The following TRHDE variants were observed in gnomAD, a reference collection of about 807,000 sequenced individuals.
The protein encoded by TRHDE is thyrotropin releasing hormone degrading enzyme.
In TRHDE, 72 loss-of-function variants were observed where a neutral mutation model predicts 125.7. That is an observed-to-expected ratio of 0.57 (90% CI 0.47 to 0.70). TRHDE has a LOEUF of 0.70. TRHDE is among the 30% of genes least tolerant of loss of function. The pLI is 0.00. For missense variants in TRHDE, 1,110 were observed against 1,327.1 expected (o/e 0.84, Z 2.54); for synonymous variants, 509 against 509.1 (o/e 1.00, Z 0.00).
intron 2 of TRHDE, among the ~76,000 whole-genome samples, chr12:72,151,017 A>T (rs543234813): frequency 2.6e-5 from 4 of 152,288 alleles, no homozygotes; most frequent in African/African-American, 9.6e-5. Flanking sequence ...TCCCACCAAC[A>T]GTGTAAAAGT....
chr12:72,182,434 A>G (rs1208226493), intron 2 of TRHDE, among the ~76,000 whole-genome samples: 1 of 152,232 alleles, frequency 6.6e-6, no homozygotes, highest in Non-Finnish European at 1.5e-5. Flanking sequence ...CTTCAGTGGT[A>G]CCAAAATATC....
At chr12:72,346,225 G>T (rs1275378717) in intron 2 of TRHDE, among the ~76,000 whole-genome samples, 1 of 152,026 alleles carries the variant, frequency 6.6e-6, no homozygotes, top group Non-Finnish European at 1.5e-5. Flanking sequence ...TGGAGCACAG[G>T]ATTCTGAGTT....
At chr12:72,120,486 T>G (rs1027368552) in intron 2 of TRHDE, among the ~76,000 whole-genome samples, 6 of 152,156 alleles carry the variant, frequency 3.9e-5, no homozygotes, top group African/African-American at 1.4e-4. Context: ...AATTTCTTGC[T>G]TTCTATTTTT....
intron 2 of TRHDE, among the ~76,000 whole-genome samples, chr12:72,298,358 G>C (rs894041330): frequency 3.9e-5 from 6 of 152,168 alleles, no homozygotes; most frequent in Non-Finnish European, 7.4e-5. Flanking sequence ...TGACTGCAGA[G>C]GGAGTTGCCA....
intron 2 of TRHDE, among the ~76,000 whole-genome samples, chr12:72,335,908 T>A (rs1315512649): frequency 6.6e-6 from 1 of 152,194 alleles, no homozygotes; most frequent in Non-Finnish European, 1.5e-5. Flanking sequence ...TCATGAACAA[T>A]TATTTTAGAA....
chr12:72,209,068 G>T (rs1877724997), intron 2 of TRHDE, among the ~76,000 whole-genome samples: 1 of 152,118 alleles, frequency 6.6e-6, no homozygotes, highest in East Asian at 1.9e-4. Context: ...CATCATAGAG[G>T]ATCTTCCACA....
chr12:72,216,281 G>A (rs1670436692), intron 2 of TRHDE, among the ~76,000 whole-genome samples: 1 of 152,016 alleles, frequency 6.6e-6, no homozygotes, highest in African/African-American at 2.4e-5. Context: ...AAGCATGCCA[G>A]CTCCGTAGTA....
chr12:72,337,374 G>C lies in TRHDE; in HGVS notation c.1189-40621G>C, dbSNP rs1033750237. ...CTCACCCTTCTGGTGCTTTGCCCCA[G>C]TATATCCCAGGCAGGAGCAAACAAC... On this transcript the variant is annotated intron_variant, in intron 2 of 18. Transcript: ENST00000261180. Among the ~76,000 whole-genome samples the C allele has an allele frequency of 5.3e-5, 8 of 152,158 alleles. No individual in the cohort carries two copies. The South Asian group carries it at 1.4e-3, about 28-fold the overall frequency.
intron 2 of TRHDE, chr12:72,255,159 T>C (rs4616080): frequency 0.22 from 34,128 of 152,114 alleles, 4,383 homozygotes; most frequent in Middle Eastern, 0.38. Flanking sequence ...CTCAAATCTG[T>C]CCCTCCGTAA....
chr12:72,487,766 T>C (rs1009819876), intron 5 of TRHDE, among the ~76,000 whole-genome samples: 2 of 152,120 alleles, frequency 1.3e-5, no homozygotes, highest in Admixed American at 6.5e-5. Context: ...CGGTGATATA[T>C]AAATCCAGTA....
At chr12:72,511,088 A>T (rs1362413269) in intron 6 of TRHDE, among the ~76,000 whole-genome samples, 1 of 152,164 alleles carries the variant, frequency 6.6e-6, no homozygotes, top group African/African-American at 2.4e-5. Flanking sequence ...AGGCAATTAA[A>T]CATTTTAATA....
chr12:72,447,352 G>A (rs185119356), intron 3 of TRHDE, among the ~76,000 whole-genome samples: 81 of 152,250 alleles, frequency 5.3e-4, no homozygotes, highest in Admixed American at 9.2e-4. Flanking sequence ...GAATCTCTGG[G>A]ACACATTTAC....
chr12:72,230,116 A>G (rs565251345), intron 2 of TRHDE, among the ~76,000 whole-genome samples: 11 of 152,208 alleles, frequency 7.2e-5, no homozygotes, highest in Non-Finnish European at 1.5e-4. Flanking sequence ...TGTTGTGCCC[A>G]TGAGAACAAA....
chr12:72,259,063 G>T (rs1165914715), intron 2 of TRHDE, among the ~76,000 whole-genome samples: 2 of 152,064 alleles, frequency 1.3e-5, no homozygotes. Flanking sequence ...TTGAAACTCT[G>T]TAAAATTCTG....
intron 2 of TRHDE, among the ~76,000 whole-genome samples, chr12:72,203,851 CT>C (rs981722290): frequency 6.6e-6 from 1 of 152,166 alleles, no homozygotes; most frequent in Non-Finnish European, 1.5e-5. Context: ...CAGACACATT[CT>C]TTTTCCCTTG....
At chr12:72,177,123 GT>G (rs987591550) in intron 2 of TRHDE, among the ~76,000 whole-genome samples, 132 of 144,742 alleles carry the variant, frequency 9.1e-4, no homozygotes, top group Non-Finnish European at 1.1e-3. Flanking sequence ...ATCACCAAAG[GT>G]TTTTTTTTTT....
intron 2 of TRHDE, among the ~76,000 whole-genome samples, chr12:72,155,552 A>T (rs943948415): frequency 6.6e-6 from 1 of 152,034 alleles, no homozygotes; most frequent in Non-Finnish European, 1.5e-5. Context: ...GATGATGGTG[A>T]TGTACAAATG....
chr12:72,576,761 C>T (rs1457848177), intron 12 of TRHDE, among the ~76,000 whole-genome samples: 1 of 152,120 alleles, frequency 6.6e-6, no homozygotes, highest in African/African-American at 2.4e-5. Context: ...ATCAGTGCCT[C>T]ATTCTGACCA....
intron 3 of TRHDE, among the ~76,000 whole-genome samples, chr12:72,461,746 T>C (rs1001277285): frequency 6.6e-6 from 1 of 152,164 alleles, no homozygotes; most frequent in African/African-American, 2.4e-5. Context: ...AATATAAAAT[T>C]TCAATTTGAA....
Sources: allele counts gnomAD v4.1 joint callset (sites outside exome capture counted in the v4.1 genomes callset), GRCh38; gene constraint gnomAD v4.1.1; transcripts MANE v1.5; gene names NCBI Gene and HGNC (gene_info 2026-07-23, HGNC 2026-07-21).